Variants in TMEM131L observed in about 807,000 individuals in gnomAD.
TMEM131L encodes transmembrane protein 131-like.
TMEM131L carries 54 observed loss-of-function variants against 192.2 expected under a neutral mutation model. The observed-to-expected ratio is 0.28, with a 90% CI of 0.23 to 0.35. The LOEUF (loss-of-function observed/expected upper bound fraction) is 0.35, where lower values mean the gene tolerates loss of function less well. Among genes scored for constraint, TMEM131L ranks in the 10% least tolerant of loss-of-function variants. The probability of loss-of-function intolerance (pLI) is 1.00; values close to 1 mark genes in which losing one functional copy is unlikely to be tolerated. For missense variants in TMEM131L, 1,888 were observed against 1,972.9 expected, an observed-to-expected ratio of 0.96 and a Z score of 0.82; for synonymous variants, 701 against 704.9, an observed-to-expected ratio of 0.99 and a Z score of 0.09.
At chr4:153,488,343 C>T (rs1013282154) in intron 3 of TMEM131L, among the ~76,000 whole-genome samples, 5 of 152,208 alleles carry the variant, frequency 3.3e-5, no homozygotes, top group Admixed American at 6.5e-5. Flanking sequence ...CAGCACGGGG[C>T]ACTGCCCACC....
At position 153,467,294 on chromosome 4, in the gene TMEM131L, A is replaced by G. The variant is rs1199308126; in HGVS notation, c.195+13A>G. On this transcript the variant is annotated intron_variant, in intron 2 of 34. Coordinates refer to ENST00000409959, the MANE Select transcript of TMEM131L (RefSeq NM_001131007.2). ...GCTGCCCACTCAGGTGAGGACGACC[A>G]GGTGACAGGGCGGCTGTGGGTGTAC... 1 of 1,550,720 alleles carries G rather than the reference A, an allele frequency of 6.4e-7. No homozygotes were observed. Among genetic ancestry groups the G allele is most frequent in the South Asian group, 1.2e-5 (1 of 84,042 alleles).
At chr4:153,487,016 C>T (rs1215975347) in intron 3 of TMEM131L, among the ~76,000 whole-genome samples, 1 of 152,162 alleles carries the variant, frequency 6.6e-6, no homozygotes, top group Non-Finnish European at 1.5e-5. Flanking sequence ...CTTGGGAACT[C>T]GCTAGACTGG....
Position 153,621,836 on chromosome 4 carries a change from C to T in TMEM131L, c.3846C>T (p.Ala1282=). The T allele has an allele frequency of 1.2e-6, 2 of 1,613,816 alleles. No homozygotes were observed. The highest frequency in any genetic ancestry group is 2.2e-5 in the South Asian group (2 of 91,044). ...DAEIASSLPA[A]QREAEGYYQK... Reference sequence around the variant, plus strand: ...AAATTGCAAGCAGTTTACCTGCTGCCCAGAGAGAGGCAGGTATGTAATGAT... The same window carrying T: ...AAATTGCAAGCAGTTTACCTGCTGCTCAGAGAGAGGCAGGTATGTAATGAT... Residue 1282 remains alanine, a synonymous_variant, in exon 28 of 35, where the codon GCC becomes GCT. Transcript: ENST00000409959.
At chr4:153,525,486 C>T (rs981772426) in intron 3 of TMEM131L, among the ~76,000 whole-genome samples, 2 of 152,022 alleles carry the variant, frequency 1.3e-5, no homozygotes, top group African/African-American at 4.8e-5. Context: ...GTTACAGGTG[C>T]ACGCCACCAC....
At chr4:153,525,939 C>T (rs1320048846) in intron 3 of TMEM131L, among the ~76,000 whole-genome samples, 1 of 152,100 alleles carries the variant, frequency 6.6e-6, no homozygotes, top group Non-Finnish European at 1.5e-5. Context: ...TCACTGCAGC[C>T]TCTGCCTCCC....
Position 153,555,953 on chromosome 4 carries a change from G to A in TMEM131L, c.432+43G>A. 1 of 1,539,718 alleles carries A rather than the reference G, an allele frequency of 6.5e-7. No homozygotes were observed. On this transcript the variant is annotated intron_variant, in intron 5 of 34. Coordinates refer to ENST00000409959, the MANE Select transcript of TMEM131L (RefSeq NM_001131007.2). The surrounding 1 kb of genome is among the most constrained non-coding windows in gnomAD (Gnocchi z 4.1). ...CCTGGAAACTATGCCGTGGCAGGCA[G>A]CCAGGTTTTCTTGCTTTCTTTGGCC...
chr4:153,575,018 G>A (rs914350078), intron 7 of TMEM131L, among the ~76,000 whole-genome samples: 1 of 152,186 alleles, frequency 6.6e-6, no homozygotes. Context: ...ATAAGTTGTA[G>A]TCCTTAAATA....
chr4:153,580,897 A>G lies in TMEM131L; in HGVS notation c.732A>G (p.Gln244=), dbSNP rs1730287485. The change falls in exon 8 of 35, where the codon CAA becomes CAG. Residue 244 remains glutamine (Q), a synonymous_variant. Coordinates refer to ENST00000409959, the MANE Select transcript of TMEM131L (RefSeq NM_001131007.2). ...GTTTACATAATAAAGTGTGTCAGCA[A>G]TTAAAGGTAAAATAAAATGTGTAGT... ...ECSLHNKVCQ[Q]LKGCYLESDD... The G allele has an allele frequency of 6.3e-7, 1 of 1,597,462 alleles. No homozygotes were observed. Among genetic ancestry groups the G allele is most frequent in the African/African-American group, 1.3e-5 (1 of 74,360 alleles).
In TMEM131L at chr4:153,586,361, T is replaced by C; in HGVS notation, c.1464T>C (p.Ile488=). ...IGAIFAIPLQ[I]YSAPTKEGSL... is the part of the protein sequence containing the mutation. Reference sequence around the variant, plus strand: ...CCATTTTTGCAATACCTCTACAGATTTATTCAGCACCAACCAAGGTATTTT... The same window carrying C: ...CCATTTTTGCAATACCTCTACAGATCTATTCAGCACCAACCAAGGTATTTT... Residue 488 remains isoleucine, a synonymous_variant, in exon 14 of 35, where the codon ATT becomes ATC. Coordinates refer to ENST00000409959, the MANE Select transcript of TMEM131L (RefSeq NM_001131007.2). The C allele has an allele frequency of 6.2e-7, 1 of 1,602,128 alleles. No homozygotes were observed. Among genetic ancestry groups the C allele is most frequent in the Non-Finnish European group, 8.5e-7 (1 of 1,175,896 alleles).
intron 3 of TMEM131L, among the ~76,000 whole-genome samples, chr4:153,544,199 G>T (rs1030406094): frequency 6.6e-6 from 1 of 152,210 alleles, no homozygotes; most frequent in Non-Finnish European, 1.5e-5. Context: ...AACCCAGTTC[G>T]CTGAGGAATA....
intron 3 of TMEM131L, among the ~76,000 whole-genome samples, chr4:153,497,612 A>G (rs1186821174): frequency 6.6e-6 from 1 of 152,168 alleles, no homozygotes; most frequent in East Asian, 1.9e-4. Flanking sequence ...TGTAGTCTGC[A>G]TTTCAGGTAA....
intron 26 of TMEM131L, among the ~76,000 whole-genome samples, chr4:153,615,416 G>T (rs1307423147): frequency 6.6e-6 from 1 of 152,234 alleles, no homozygotes; most frequent in African/African-American, 2.4e-5. Flanking sequence ...CGTTACCCAT[G>T]TGGTGGTTGG....
intron 3 of TMEM131L, among the ~76,000 whole-genome samples, chr4:153,515,050 G>T (rs1427881315): frequency 6.6e-6 from 1 of 151,926 alleles, no homozygotes; most frequent in African/African-American, 2.4e-5. Context: ...GACCTCAGGT[G>T]ATCCACCTGC....
rs186043268 is a variant in TMEM131L, at chr4:153,508,542, T to G, written c.239+34654T>G. On this transcript the variant is annotated intron_variant, in intron 3 of 34. Transcript: ENST00000409959. The stretch of plus-strand genomic sequence containing the variant: ...AATGTGCTAGGTTCCTTAAGTAGTT[T>G]CTCATTTAACCCTTTATTCTCACAT... Among the ~76,000 whole-genome samples, 22 of 152,324 alleles carry G rather than the reference T, an allele frequency of 1.4e-4. No individual in the cohort carries two copies. The South Asian group carries it at 3.1e-3, about 22-fold the overall frequency.
intron 3 of TMEM131L, among the ~76,000 whole-genome samples, chr4:153,478,075 C>T (rs1335019522): frequency 6.6e-6 from 1 of 152,114 alleles, no homozygotes; most frequent in African/African-American, 2.4e-5. Flanking sequence ...TTAAATATTC[C>T]AGTATTTTGC....
In TMEM131L at chr4:153,470,747, G is replaced by A. The variant is rs184444017; in HGVS notation, c.196-3098G>A. 1.8e-3 allele frequency among the ~76,000 whole-genome samples: 268 copies of A among 152,252 alleles called. 1 individual carries two copies. The highest frequency in any genetic ancestry group is 2.0e-3 in the Non-Finnish European group (135 of 68,016). On this transcript the variant is annotated intron_variant, in intron 2 of 34. Coordinates refer to ENST00000409959, the MANE Select transcript of TMEM131L (RefSeq NM_001131007.2). ...GAAACTGCGATTCCATGTGATCCAC[G>A]CATAGGTGATGTCCACCTGACCTGC...
At chr4:153,606,942 A>G (rs958202773) in intron 25 of TMEM131L, among the ~76,000 whole-genome samples, 3 of 152,242 alleles carry the variant, frequency 2.0e-5, no homozygotes, top group Non-Finnish European at 4.4e-5. Context: ...AAGTTTGTAC[A>G]TGGACATGCA....
intron 30 of TMEM131L, 41 bp from the exon 31 acceptor site, chr4:153,627,564 A>G (rs1733936346): frequency 6.7e-7 from 1 of 1,488,350 alleles, no homozygotes. Context: ...TTCCTCGTGC[A>G]GAAAAAATGA....
chr4:153,532,561 ACT>A (rs756773897), intron 3 of TMEM131L, among the ~76,000 whole-genome samples: 5 of 151,886 alleles, frequency 3.3e-5, no homozygotes, highest in Non-Finnish European at 5.9e-5. Flanking sequence ...CCAGCAGCAC[ACT>A]CTAATTTTAG....
Sources: gnomAD v4.1 joint callset for allele counts (sites outside exome capture counted in the v4.1 genomes callset) on GRCh38, gnomAD v4.1.1 for gene constraint, Gnocchi (gnomAD v3.1) non-coding constraint, MANE v1.5 for transcripts, NCBI Gene and HGNC (gene_info 2026-07-23, HGNC 2026-07-21) for gene names.